WNT8B: variants seen among roughly 807,000 people sequenced by gnomAD.
The protein encoded by WNT8B is protein Wnt-8b.
In WNT8B, 24 loss-of-function variants were observed where a neutral mutation model predicts 36.6. That is an observed-to-expected ratio of 0.66 (90% confidence interval 0.48 to 0.92). The LOEUF is 0.92. Among genes scored for constraint, WNT8B ranks in the 40% least tolerant of loss-of-function variants. The pLI is 0.00. For missense variants in WNT8B, 402 were observed against 470.8 expected, an observed-to-expected ratio of 0.85 and a Z score of 1.35; for synonymous variants, 199 against 189.8, an observed-to-expected ratio of 1.05 and a Z score of -0.40.
At chr10:100,477,962 G>A (rs1408491751) in intron 1 of WNT8B, among the ~76,000 whole-genome samples, 1 of 133,634 alleles carries the variant, frequency 7.5e-6, no homozygotes, top group African/African-American at 3.2e-5. Context: ...TTTTTTTTTA[G>A]TAGAGACGGG....
chr10:100,476,643 G>C lies in WNT8B; in HGVS notation c.69-2409G>C, dbSNP rs115937408. 7.2e-3 allele frequency among the ~76,000 whole-genome samples: 1,092 copies of C among 152,182 alleles called. 9 individuals are homozygous for C. The highest frequency in any genetic ancestry group is 0.024 in the African/African-American group (1,000 of 41,500). ...CGTATTACTTTCTCACATTATAATG[G>C]AAAAACAAAGATAATAGATAATAGA... On this transcript the variant is annotated intron_variant, in intron 1 of 5. Transcript: ENST00000343737.
At chr10:100,476,051 G>C (rs1477462229) in intron 1 of WNT8B, among the ~76,000 whole-genome samples, 1 of 152,038 alleles carries the variant, frequency 6.6e-6, no homozygotes, top group Admixed American at 6.6e-5. Context: ...CAGCACTTTG[G>C]GAGGCCGAGG....
At chr10:100,476,044 C>A (rs1370852659) in intron 1 of WNT8B, among the ~76,000 whole-genome samples, 1 of 151,884 alleles carries the variant, frequency 6.6e-6, no homozygotes, top group Non-Finnish European at 1.5e-5. Context: ...GTAATCCCAG[C>A]ACTTTGGGAG....
At position 100,480,988 on chromosome 10, in the gene WNT8B, T is replaced by A. The variant is rs1009972070; in HGVS notation, c.242-10T>A. 1.2e-6 allele frequency: 2 copies of A among 1,612,862 alleles called. No individual in the cohort carries two copies. Among genetic ancestry groups the A allele is most frequent in the Non-Finnish European group, 8.5e-7 (1 of 1,179,170 alleles). On this transcript the variant is annotated splice_polypyrimidine_tract_variant and intron_variant, in intron 3 of 5. Coordinates refer to ENST00000343737, the MANE Select transcript of WNT8B (RefSeq NM_003393.4). Reference sequence around the variant, plus strand: ...CCTCCCTCTAACTCTGGATTTTTGGTTCCTGCTAGCCAATCGGGAGACAGC... The same window carrying A: ...CCTCCCTCTAACTCTGGATTTTTGGATCCTGCTAGCCAATCGGGAGACAGC...
intron 1 of WNT8B, among the ~76,000 whole-genome samples, chr10:100,466,870 G>A (rs903324326): frequency 6.6e-6 from 1 of 151,846 alleles, no homozygotes; most frequent in Non-Finnish European, 1.5e-5. Flanking sequence ...GGGCTCCAAC[G>A]ATGCTTGTCT....
rs913029316 is a variant in WNT8B at position 100,482,230 on chromosome 10, G to C, written c.511-41G>C. 6.5e-6 allele frequency: 10 copies of C among 1,544,372 alleles called. No homozygotes were observed. The African/African-American group carries it at 1.2e-4, about 19-fold the overall frequency. The stretch of plus-strand genomic sequence containing the variant: ...CCACAGGGGCAGTTAAACTCGCCAC[G>C]CGCTTAATCCGGGGCCTCTCACTCC... On this transcript the variant is annotated intron_variant, in intron 5 of 5. Transcript: ENST00000343737. The surrounding 1 kb of genome is among the most constrained non-coding windows in gnomAD (Gnocchi z 6.6).
At position 100,483,160 on chromosome 10, in the gene WNT8B, C is replaced by T; in HGVS notation, c.*344C>T. On this transcript the variant is annotated 3_prime_UTR_variant, in exon 6 of 6. Coordinates refer to ENST00000343737, the MANE Select transcript of WNT8B (RefSeq NM_003393.4). ...ATCAAGCCTTAGGCGCTGGAAGAAC[C>T]CTTCTCAGACACGCAGGACCCAGGT... 1 of 247,760 alleles carries T rather than the reference C, an allele frequency of 4.0e-6. No individual in the cohort carries two copies. Among genetic ancestry groups the T allele is most frequent in the Non-Finnish European group, 7.7e-6 (1 of 130,708 alleles). The allele number at this position is 247,760 out of a possible 1,614,324, so 15.3% of individuals were successfully genotyped here. A position where few individuals can be genotyped will look rare whatever the true frequency, so the allele number is the denominator to read the frequency against.
chr10:100,475,948 A>G (rs1199759029), intron 1 of WNT8B, among the ~76,000 whole-genome samples: 1 of 152,192 alleles, frequency 6.6e-6, no homozygotes, highest in Non-Finnish European at 1.5e-5. Context: ...CACCTGATCA[A>G]GCAGTGCTTC....
rs1287905289 is a variant in WNT8B at position 100,482,834 on chromosome 10, T to A, written c.*18T>A. On this transcript the variant is annotated 3_prime_UTR_variant, in exon 6 of 6. Coordinates refer to ENST00000343737, the MANE Select transcript of WNT8B (RefSeq NM_003393.4). This position sits in a 1 kb window ranked among gnomAD's most constrained non-coding sequence, Gnocchi z 6.6. ...AACCCTAAGGGTTTCCTCTGCCCCC[T>A]CCTTTTCCCACTGGTTCTTGGCTTC... 3 of 1,481,432 alleles carry A rather than the reference T, an allele frequency of 2.0e-6. No homozygotes were observed. In the South Asian group the frequency reaches 4.2e-5, roughly 21 times the overall value. The allele number at this position is 1,481,432 out of a possible 1,614,324, so 91.8% of individuals were successfully genotyped here. A position where few individuals can be genotyped will look rare whatever the true frequency, so the allele number is the denominator to read the frequency against.
chr10:100,480,156 C>T lies in WNT8B; in HGVS notation c.241+144C>T, dbSNP rs901950953. 7.3e-6 allele frequency: 8 copies of T among 1,088,836 alleles called. No homozygotes were observed. In the African/African-American group the frequency reaches 1.3e-4, roughly 17 times the overall value. 67.4% of individuals were successfully genotyped at this position (1,088,836 alleles called of 1,614,324 possible). On this transcript the variant is annotated intron_variant, in intron 3 of 5. Coordinates refer to ENST00000343737, the MANE Select transcript of WNT8B (RefSeq NM_003393.4). The stretch of plus-strand genomic sequence containing the variant: ...CTCCCTCTCCAGGATCTTCTCTTTT[C>T]CTTTTCTACTTCCTTTTTCCCACCT...
intron 3 of WNT8B, 72 bp from the exon 4 acceptor site, chr10:100,480,926 A>G (rs1280774744): frequency 1.3e-6 from 2 of 1,537,434 alleles, no homozygotes; most frequent in Admixed American, 1.8e-5. Context: ...GTTATTAAAG[A>G]AAGGTAGCAT....
At chr10:100,472,143 C>T (rs1041556062) in intron 1 of WNT8B, among the ~76,000 whole-genome samples, 1 of 148,190 alleles carries the variant, frequency 6.7e-6, no homozygotes, top group African/African-American at 2.5e-5. Context: ...TGGAGTCTTG[C>T]TCTGTCGCCC....
At chr10:100,469,899 A>C (rs143603081) in intron 1 of WNT8B, among the ~76,000 whole-genome samples, 2 of 152,318 alleles carry the variant, frequency 1.3e-5, no homozygotes, top group Admixed American at 1.3e-4. Context: ...TCATTCTATG[A>C]GAAAGCTGCA....
rs771091884 is a variant in WNT8B at position 100,481,979 on chromosome 10, G to A, written c.435G>A (p.Gln145=). The A allele has an allele frequency of 1.9e-6, 3 of 1,614,042 alleles. No homozygotes were observed. The highest frequency in any genetic ancestry group is 2.2e-5 in the East Asian group (1 of 44,874). The change falls in exon 5 of 6, where the codon CAG becomes CAA. Residue 145 remains glutamine, a synonymous_variant. Coordinates refer to ENST00000343737, the MANE Select transcript of WNT8B (RefSeq NM_003393.4). The part of the protein sequence containing the change: ...NVGFGEAISK[Q]FVDALETGQD... ...GCTTCGGAGAGGCGATTTCCAAGCA[G>A]TTTGTCGATGCCCTGGAAACAGGAC...
chr10:100,463,032 G>A lies in WNT8B; in HGVS notation c.-137G>A. 1.4e-6 allele frequency: 1 copy of A among 717,280 alleles called. No homozygotes were observed. The allele number at this position is 717,280 out of a possible 1,614,324, so 44.4% of individuals were successfully genotyped here. A position where few individuals can be genotyped will look rare whatever the true frequency, so the allele number is the denominator to read the frequency against. On this transcript the variant is annotated 5_prime_UTR_variant, in exon 1 of 6. Coordinates refer to ENST00000343737, the MANE Select transcript of WNT8B (RefSeq NM_003393.4). ...CTCCATTTCACCTCCCCTTAACTCT[G>A]TTTGGGATCGCTTACACACCAAGGA...
chr10:100,471,374 C>A (rs1212670521), intron 1 of WNT8B, among the ~76,000 whole-genome samples: 2 of 152,242 alleles, frequency 1.3e-5, no homozygotes, highest in African/African-American at 2.4e-5. Context: ...AGCAACAGTG[C>A]CTAGAAAATG....
chr10:100,465,817 A>C (rs1850902125), intron 1 of WNT8B, among the ~76,000 whole-genome samples: 1 of 152,108 alleles, frequency 6.6e-6, no homozygotes, highest in Non-Finnish European at 1.5e-5. Flanking sequence ...TAACCTTTCT[A>C]TGGCTCTTGA....
chr10:100,472,718 C>A (rs981527629), intron 1 of WNT8B, among the ~76,000 whole-genome samples: 6 of 152,150 alleles, frequency 3.9e-5, no homozygotes, highest in African/African-American at 1.4e-4. Flanking sequence ...CACAACTAAC[C>A]ACAGTTATTT....
In WNT8B at chr10:100,482,277, A is replaced by C; in HGVS notation, c.517A>C (p.Lys173Gln). The C allele has an allele frequency of 6.3e-7, 1 of 1,584,918 alleles. No homozygotes were observed. The highest frequency in any genetic ancestry group is 1.1e-5 in the South Asian group (1 of 89,216). ...HNNEAGRKAV[K>Q]GTMKRTCKCH... ...CTCCTAGCTCTCTCCCCAGGCGGTG[A>C]AGGGCACCATGAAACGCACGTGCAA... Residue 173 changes from lysine to glutamine, a missense_variant, in exon 6 of 6, where the codon AAG becomes CAG. Lys to Gln is a moderately conservative substitution (Grantham distance 53). Around this residue, in one of 3 missense-constraint regions of WNT8B, gnomAD observed 256 missense variants for 278.6 expected, o/e 0.92. Coordinates refer to ENST00000343737, the MANE Select transcript of WNT8B (RefSeq NM_003393.4). The surrounding 1 kb of genome is among the most constrained non-coding windows in gnomAD (Gnocchi z 6.6).
Sources: allele counts gnomAD v4.1 joint callset (sites outside exome capture counted in the v4.1 genomes callset), GRCh38; gene constraint gnomAD v4.1.1; regional missense constraint gnomAD v4.1.1; non-coding constraint Gnocchi (gnomAD v3.1); transcripts MANE v1.5; gene names NCBI Gene and HGNC (gene_info 2026-07-23, HGNC 2026-07-21).